Variants in TOP6BL observed in about 807,000 individuals in gnomAD.
TOP6BL encodes type 2 DNA topoisomerase 6 subunit B-like.
chr11:66,757,777 G>T, the TOP6BL span, among the ~76,000 whole-genome samples: 4 of 152,052 alleles, frequency 2.6e-5, no homozygotes, highest in Non-Finnish European at 5.9e-5. Context: ...TAGTAGAGAT[G>T]GGATTTCACC....
the TOP6BL span, among the ~76,000 whole-genome samples, chr11:66,818,894 T>C: frequency 6.6e-6 from 1 of 152,222 alleles, no homozygotes; most frequent in Admixed American, 6.5e-5. Flanking sequence ...TGTACACTTC[T>C]GTTTAGCTTG....
At chr11:66,759,138 G>A in the TOP6BL span, 45 of 1,276,178 alleles carry the variant, frequency 3.5e-5, no homozygotes, top group Admixed American at 7.5e-5. Flanking sequence ...ATATCTTCCC[G>A]ACAATTAATT....
At chr11:66,787,123 G>A in the TOP6BL span, among the ~76,000 whole-genome samples, 2 of 151,584 alleles carry the variant, frequency 1.3e-5, no homozygotes, top group Non-Finnish European at 2.9e-5. Flanking sequence ...TAGTAGAGAC[G>A]GGGTTTCACC....
chr11:66,836,676 G>C, the TOP6BL span, among the ~76,000 whole-genome samples: 1 of 146,218 alleles, frequency 6.8e-6, no homozygotes, highest in African/African-American at 2.5e-5. Flanking sequence ...AACATAGTGA[G>C]ACCTCGTCAC....
At chr11:66,756,389 G>T in the TOP6BL span, 1 of 1,177,548 alleles carries the variant, frequency 8.5e-7, no homozygotes, top group Non-Finnish European at 1.1e-6. Context: ...CCGGAGTGCA[G>T]TGGCGCAGTC....
At chr11:66,816,262 T>G in the TOP6BL span, 1 of 1,501,854 alleles carries the variant, frequency 6.7e-7, no homozygotes, top group Non-Finnish European at 9.0e-7. Flanking sequence ...GAGGGAAACT[T>G]TGTGTAATGC....
chr11:66,801,946 A>G, the TOP6BL span, among the ~76,000 whole-genome samples: 1 of 152,258 alleles, frequency 6.6e-6, no homozygotes, highest in African/African-American at 2.4e-5. Context: ...CACAGAATCC[A>G]AAGTGAAAAT....
the TOP6BL span, among the ~76,000 whole-genome samples, chr11:66,767,108 A>G: frequency 5.9e-5 from 9 of 152,170 alleles, no homozygotes; most frequent in Admixed American, 2.6e-4. Flanking sequence ...TATTAGGTCT[A>G]AGTACTTCAG....
chr11:66,783,114 G>C, the TOP6BL span, among the ~76,000 whole-genome samples: 1 of 152,302 alleles, frequency 6.6e-6, no homozygotes, highest in East Asian at 1.9e-4. Flanking sequence ...GGGAGGTTGA[G>C]GCAGGAAGAT....
chr11:66,800,817 T>A, the TOP6BL span: 1 of 990,952 alleles, frequency 1.0e-6, no homozygotes, highest in Non-Finnish European at 1.5e-6. Flanking sequence ...ACCTTGAAAC[T>A]AATTTTCTGA....
chr11:66,842,655 C>T, the TOP6BL span, among the ~76,000 whole-genome samples: 1 of 152,130 alleles, frequency 6.6e-6, no homozygotes, highest in African/African-American at 2.4e-5. Flanking sequence ...TAGGGAGACC[C>T]TGAAACGTCT....
chr11:66,829,630 G>A, the TOP6BL span, among the ~76,000 whole-genome samples: 1 of 151,648 alleles, frequency 6.6e-6, no homozygotes, highest in African/African-American at 2.4e-5. Flanking sequence ...GCTCATGCCT[G>A]TAATCCCAAC....
At chr11:66,744,876 G>A in the TOP6BL span, 2 of 1,302,788 alleles carry the variant, frequency 1.5e-6, no homozygotes, top group East Asian at 3.1e-5. Context: ...CGTTGCCGCT[G>A]TTCCCTGCGC....
chr11:66,766,806 A>G, the TOP6BL span, among the ~76,000 whole-genome samples: 50 of 152,346 alleles, frequency 3.3e-4, no homozygotes, highest in African/African-American at 1.2e-3. Context: ...TTGAATGTCA[A>G]TTAGACTATT....
the TOP6BL span, among the ~76,000 whole-genome samples, chr11:66,841,259 A>T: frequency 6.6e-6 from 1 of 151,700 alleles, no homozygotes; most frequent in Non-Finnish European, 1.5e-5. Context: ...TTGGGATTAC[A>T]GGCGCCCACC....
chr11:66,799,351 A>G, the TOP6BL span, among the ~76,000 whole-genome samples: 1 of 147,956 alleles, frequency 6.8e-6, no homozygotes, highest in African/African-American at 2.5e-5. Context: ...TTGCCACTGC[A>G]CTCCAGGCTG....
chr11:66,842,726 C>T, the TOP6BL span: 1 of 1,008,918 alleles, frequency 9.9e-7, no homozygotes, highest in Non-Finnish European at 1.4e-6. Flanking sequence ...TGGATGGGAC[C>T]TGCTGACAGG....
chr11:66,838,897 A>G, the TOP6BL span, among the ~76,000 whole-genome samples: 2 of 151,900 alleles, frequency 1.3e-5, no homozygotes, highest in Non-Finnish European at 2.9e-5. Context: ...ACGCCCGGCT[A>G]AATTTTTGTA....
the TOP6BL span, chr11:66,843,296 G>A: frequency 1.9e-6 from 3 of 1,577,102 alleles, no homozygotes; most frequent in South Asian, 3.4e-5. Context: ...TTATCCCGTG[G>A]TTTAATAAAG....
Sources: allele counts gnomAD v4.1 joint callset (sites outside exome capture counted in the v4.1 genomes callset), GRCh38; gene constraint gnomAD v4.1.1; transcripts MANE v1.5; gene names NCBI Gene and HGNC (gene_info 2026-07-23, HGNC 2026-07-21).